KCNH1: variants seen among roughly 807,000 people sequenced by gnomAD.
KCNH1 encodes potassium voltage-gated channel subfamily H member 1, also known as voltage-gated delayed rectifier potassium channel KCNH1.
In KCNH1, 27 loss-of-function variants were observed where a neutral mutation model predicts 69.2. The observed-to-expected ratio is 0.39, with a 90% CI of 0.29 to 0.54. The LOEUF (loss-of-function observed/expected upper bound fraction) is 0.54, where lower values mean the gene tolerates loss of function less well. Among genes scored for constraint, KCNH1 ranks in the 20% least tolerant of loss-of-function variants. KCNH1 has a pLI of 0.68. For missense variants in KCNH1, 798 were observed against 1,261.6 expected (o/e 0.63, Z 5.57); for synonymous variants, 456 against 487.7 (o/e 0.93, Z 0.86).
chr1:210,873,348 T>C (rs1574310011), intron 7 of KCNH1, among the ~76,000 whole-genome samples: 2 of 152,156 alleles, frequency 1.3e-5, no homozygotes, highest in Non-Finnish European at 2.9e-5. Flanking sequence ...TATTTCTAAA[T>C]CTTTATTTAT....
intron 10 of KCNH1, among the ~76,000 whole-genome samples, chr1:210,754,532 T>A (rs1360739566): frequency 3.3e-5 from 5 of 150,752 alleles, no homozygotes; most frequent in Admixed American, 3.3e-4. Flanking sequence ...CGGGGGTGGA[T>A]CCCTCATGGA....
chr1:210,807,945 C>A (rs972252443), intron 7 of KCNH1, among the ~76,000 whole-genome samples: 4 of 152,202 alleles, frequency 2.6e-5, no homozygotes, highest in Non-Finnish European at 5.9e-5. Context: ...TCAAAGAGTT[C>A]TCTGGAAAAG....
At chr1:211,070,422 A>ACAC (rs1553376606) in intron 5 of KCNH1, among the ~76,000 whole-genome samples, 1 of 90,518 alleles carries the variant, frequency 1.1e-5, no homozygotes, top group Non-Finnish European at 2.6e-5. Flanking sequence ...CACCTTTAAA[A>ACAC]AAAAAAAAAC....
At chr1:210,738,324 G>A (rs1682928051) in intron 10 of KCNH1, among the ~76,000 whole-genome samples, 1 of 152,190 alleles carries the variant, frequency 6.6e-6, no homozygotes, top group African/African-American at 2.4e-5. Context: ...ATTCACTGAT[G>A]TATCTCTGAT....
In KCNH1 at chr1:210,683,489, G is replaced by A. The variant is rs768501927; in HGVS notation, c.2762C>T (p.Thr921Met). The part of the protein sequence containing the change: ...KHSFYPIPEQ[T>M]LQATVLEVRH... ...CACCTCCAGGACTGTGGCCTGCAGC[G>A]TCTGCTCAGGGATGGGGTAGAACGA... is the stretch of plus-strand genomic sequence containing the variant. Residue 921 changes from threonine to methionine, a missense_variant, in exon 11 of 11, where the codon ACG becomes ATG. By Grantham distance (81) the Thr-to-Met change is moderately conservative (BLOSUM62 -1). Around this residue, in one of 4 missense-constraint regions of KCNH1, gnomAD observed 331 missense variants for 363.2 expected, o/e 0.91. Coordinates refer to ENST00000271751, the MANE Select transcript of KCNH1 (RefSeq NM_172362.3). This position sits in a 1 kb window ranked among gnomAD's most constrained non-coding sequence, Gnocchi z 5.7. 12 of 1,614,026 alleles carry A rather than the reference G, an allele frequency of 7.4e-6. No individual in the cohort carries two copies. Among genetic ancestry groups the A allele is most frequent in the East Asian group, 2.2e-5 (1 of 44,890 alleles).
At chr1:210,885,719 C>T (rs1205439906) in intron 7 of KCNH1, among the ~76,000 whole-genome samples, 2 of 152,100 alleles carry the variant, frequency 1.3e-5, no homozygotes, top group East Asian at 1.9e-4. Flanking sequence ...GAGAGGCGTC[C>T]ACCATTACTG....
In KCNH1 at chr1:210,903,975, T is replaced by C. The variant is rs571951387; in HGVS notation, c.1462+15665A>G. 2.0e-5 allele frequency among the ~76,000 whole-genome samples: 3 copies of C among 152,314 alleles called. No individual in the cohort carries two copies. The South Asian group carries it at 6.2e-4, about 32-fold the overall frequency. On this transcript the variant is annotated intron_variant, in intron 7 of 10. Transcript: ENST00000271751. ...TAGCCAAGCCAAGGACACCTAATCT[T>C]GGAGAACAGTGAGCTGCAGTGGGCA...
At chr1:211,016,431 A>G (rs1393836847) in intron 6 of KCNH1, among the ~76,000 whole-genome samples, 3 of 152,216 alleles carry the variant, frequency 2.0e-5, no homozygotes, top group Non-Finnish European at 4.4e-5. Flanking sequence ...TAAATAGAAA[A>G]TCGTTTATTT....
At chr1:210,926,920 A>C (rs1233581890) in intron 6 of KCNH1, among the ~76,000 whole-genome samples, 2 of 152,176 alleles carry the variant, frequency 1.3e-5, no homozygotes, top group African/African-American at 4.8e-5. Flanking sequence ...GAAATGCAAA[A>C]TGCACTGGAA....
intron 5 of KCNH1, 23 bp from the exon 6 acceptor site, chr1:211,019,279 G>A (rs1330595681): frequency 1.4e-6 from 2 of 1,480,934 alleles, no homozygotes; most frequent in East Asian, 2.3e-5. Flanking sequence ...ACATGACCAA[G>A]AGAGAACTAA....
At chr1:210,809,781 C>A (rs73069566) in intron 7 of KCNH1, among the ~76,000 whole-genome samples, 1 of 151,972 alleles carries the variant, frequency 6.6e-6, no homozygotes, top group South Asian at 2.1e-4. Context: ...GTCTTTCAAA[C>A]GGGCTGGTTT....
At chr1:211,079,722 G>T (rs1446811290) in intron 5 of KCNH1, among the ~76,000 whole-genome samples, 1 of 152,134 alleles carries the variant, frequency 6.6e-6, no homozygotes, top group Non-Finnish European at 1.5e-5. Flanking sequence ...AAAACTACAT[G>T]ATTATCTCCA....
intron 5 of KCNH1, among the ~76,000 whole-genome samples, chr1:211,066,683 C>T (rs1412501894): frequency 6.6e-6 from 1 of 152,120 alleles, no homozygotes; most frequent in Non-Finnish European, 1.5e-5. Context: ...ATTACTATTG[C>T]TATTTCAAGA....
chr1:210,892,240 A>G (rs1477024433), intron 7 of KCNH1, among the ~76,000 whole-genome samples: 1 of 151,858 alleles, frequency 6.6e-6, no homozygotes, highest in Non-Finnish European at 1.5e-5. Context: ...CAACCCTTAT[A>G]TCCTGTCCCA....
chr1:210,994,957 T>A (rs1487828301), intron 6 of KCNH1, among the ~76,000 whole-genome samples: 1 of 152,218 alleles, frequency 6.6e-6, no homozygotes, highest in Non-Finnish European at 1.5e-5. Context: ...AGAGTTGAGA[T>A]GTATAAAGTA....
intron 10 of KCNH1, among the ~76,000 whole-genome samples, chr1:210,718,040 G>A (rs549259565): frequency 1.3e-5 from 2 of 151,958 alleles, no homozygotes; most frequent in African/African-American, 4.8e-5. Flanking sequence ...CCAGGAGGTG[G>A]CGGTTGCAGT....
intron 7 of KCNH1, among the ~76,000 whole-genome samples, chr1:210,806,826 AAAAAAAAAAAATATAT>A (rs1270008848): frequency 4.1e-5 from 2 of 48,226 alleles, no homozygotes; most frequent in South Asian, 1.2e-3. Context: ...AAAAAAAAAA[AAAAAAAAAAAATATAT>A]ATATATATAT....
chr1:210,985,193 C>T (rs1688805294), intron 6 of KCNH1, among the ~76,000 whole-genome samples: 1 of 152,026 alleles, frequency 6.6e-6, no homozygotes, highest in Non-Finnish European at 1.5e-5. Flanking sequence ...ATTAGTCTTG[C>T]TAGTAGTCTA....
At chr1:210,916,620 G>C (rs535635407) in intron 7 of KCNH1, among the ~76,000 whole-genome samples, 3 of 152,138 alleles carry the variant, frequency 2.0e-5, no homozygotes, top group Non-Finnish European at 4.4e-5. Flanking sequence ...CCAGTCCCAG[G>C]TTCTTGGGAA....
Sources: gnomAD v4.1 joint callset for allele counts (sites outside exome capture counted in the v4.1 genomes callset) on GRCh38, gnomAD v4.1.1 for gene constraint, gnomAD v4.1.1 regional missense constraint, Gnocchi (gnomAD v3.1) non-coding constraint, MANE v1.5 for transcripts, NCBI Gene and HGNC (gene_info 2026-07-23, HGNC 2026-07-21) for gene names.